Variants in CRIM1 observed in about 807,000 individuals in gnomAD.
CRIM1 encodes the protein cysteine rich transmembrane BMP regulator 1, also known as cysteine-rich motor neuron 1 protein.
CRIM1 carries 32 observed loss-of-function variants against 116.4 expected under a neutral mutation model. The observed-to-expected ratio is 0.27, with a 90% CI of 0.21 to 0.37. The LOEUF (loss-of-function observed/expected upper bound fraction) is 0.37, where lower values mean the gene tolerates loss of function less well. Among genes scored for constraint, CRIM1 ranks in the 10% least tolerant of loss-of-function variants. CRIM1 has a pLI of 1.00. For synonymous variants in CRIM1, 590 were observed against 509.2 expected, an observed-to-expected ratio of 1.16 and a Z score of -2.13; for missense variants, 1,331 against 1,354.8, an observed-to-expected ratio of 0.98 and a Z score of 0.28.
intron 2 of CRIM1, among the ~76,000 whole-genome samples, chr2:36,412,289 G>T (rs918627236): frequency 3.4e-5 from 5 of 148,138 alleles, no homozygotes; most frequent in African/African-American, 1.3e-4. Context: ...GGCGCAGGGG[G>T]TGGGGGGCGC....
At chr2:36,423,051 C>T (rs1255421189) in intron 2 of CRIM1, among the ~76,000 whole-genome samples, 1 of 152,190 alleles carries the variant, frequency 6.6e-6, no homozygotes, top group Admixed American at 6.5e-5. Flanking sequence ...AAAGGAATTA[C>T]TTCCATACTA....
chr2:36,389,116 A>ATACAAAGTGT (rs1277085813), intron 1 of CRIM1, among the ~76,000 whole-genome samples: 1 of 150,808 alleles, frequency 6.6e-6, no homozygotes, highest in Non-Finnish European at 1.5e-5. Flanking sequence ...ACTTTGTGGA[A>ATACAAAGTGT]ATGTCTGTAA....
intron 1 of CRIM1, among the ~76,000 whole-genome samples, chr2:36,389,828 G>C (rs1016298254): frequency 6.6e-6 from 1 of 152,100 alleles, no homozygotes; most frequent in South Asian, 2.1e-4. Flanking sequence ...ATATGTTGAA[G>C]AGCATAGAGG....
chr2:36,420,395 C>T (rs1673960107), intron 2 of CRIM1, among the ~76,000 whole-genome samples: 1 of 152,102 alleles, frequency 6.6e-6, no homozygotes, highest in Non-Finnish European at 1.5e-5. Context: ...AGAGGTAGAG[C>T]CGAGGTTGGA....
chr2:36,547,322 A>C, intron 16 of CRIM1, 151 bp downstream of exon 16: 1 of 645,854 alleles, frequency 1.5e-6, no homozygotes, highest in Non-Finnish European at 2.7e-6. Context: ...AGTATGAATC[A>C]AATACATAGT....
chr2:36,536,128 T>C (rs538312633), intron 13 of CRIM1, among the ~76,000 whole-genome samples: 12 of 152,294 alleles, frequency 7.9e-5, no homozygotes, highest in African/African-American at 2.4e-4. Context: ...TGGGTCTTCA[T>C]AGAGAGGCAC....
At chr2:36,381,039 A>C (rs1670714632) in intron 1 of CRIM1, among the ~76,000 whole-genome samples, 1 of 152,174 alleles carries the variant, frequency 6.6e-6, no homozygotes. Context: ...CCCAGAATAC[A>C]GAACACAGTG....
At position 36,539,770 on chromosome 2, in the gene CRIM1, C is replaced by T. The variant is rs532956876; in HGVS notation, c.2623+2224C>T. 6.6e-5 allele frequency among the ~76,000 whole-genome samples: 10 copies of T among 152,196 alleles called. No homozygotes were observed. The South Asian group carries it at 2.1e-3, about 32-fold the overall frequency. On this transcript the variant is annotated intron_variant, in intron 14 of 16. Coordinates refer to ENST00000280527, the MANE Select transcript of CRIM1 (RefSeq NM_016441.3). ...GAAGAGGAGCCAAGGATGACTACGA[C>T]ATTTTGGTTTGGGGCATTTTTAGCT...
At position 36,441,247 on chromosome 2, in the gene CRIM1, C is replaced by G; in HGVS notation, c.506-11C>G. On this transcript the variant is annotated splice_polypyrimidine_tract_variant and intron_variant, in intron 2 of 16. Coordinates refer to ENST00000280527, the MANE Select transcript of CRIM1 (RefSeq NM_016441.3). ...CCTGGGCATAAGCTAAATTCTTTCT[C>G]TCCCTTTTAGAAGAGAAGCCAGATT... 2 of 1,614,124 alleles carry G rather than the reference C, an allele frequency of 1.2e-6. No homozygotes were observed. Among genetic ancestry groups the G allele is most frequent in the Admixed American group, 1.7e-5 (1 of 60,030 alleles).
At chr2:36,464,288 T>A (rs1316814470) in intron 4 of CRIM1, among the ~76,000 whole-genome samples, 1 of 152,210 alleles carries the variant, frequency 6.6e-6, no homozygotes, top group Non-Finnish European at 1.5e-5. Flanking sequence ...ATTTTAGAAA[T>A]ATTTCTGTCA....
intron 9 of CRIM1, among the ~76,000 whole-genome samples, chr2:36,510,451 A>G (rs577889328): frequency 6.6e-6 from 1 of 152,312 alleles, no homozygotes; most frequent in Non-Finnish European, 1.5e-5. Flanking sequence ...GTGAGGTCCC[A>G]GTGTTGGAAG....
chr2:36,546,920 C>T (rs1667387324), intron 15 of CRIM1, 64 bp from the exon 16 acceptor site: 1 of 962,714 alleles, frequency 1.0e-6, no homozygotes, highest in Non-Finnish European at 1.6e-6. Context: ...TTTGCAATGT[C>T]ATTAAAATAA....
chr2:36,409,590 G>C (rs553872392), intron 2 of CRIM1, among the ~76,000 whole-genome samples: 166 of 152,302 alleles, frequency 1.1e-3, no homozygotes, highest in African/African-American at 3.8e-3. Context: ...TAGACACAAG[G>C]AGTTATAATG....
chr2:36,399,961 G>T (rs1481268542), intron 2 of CRIM1, among the ~76,000 whole-genome samples: 1 of 152,198 alleles, frequency 6.6e-6, no homozygotes, highest in Non-Finnish European at 1.5e-5. Context: ...GAGGTTAGTG[G>T]TTATGCCTTT....
chr2:36,476,802 A>C lies in CRIM1; in HGVS notation c.992-87A>C, dbSNP rs77757898. ...CATCAACTTATAACCTCCTATTAGA[A>C]ATTTTCTAGAGGCTGTTTGAAAAAC... On this transcript the variant is annotated intron_variant, in intron 5 of 16. Coordinates refer to ENST00000280527, the MANE Select transcript of CRIM1 (RefSeq NM_016441.3). The C allele has an allele frequency of 3.9e-3, 4,358 of 1,114,560 alleles. 127 individuals carry two copies. In the African/African-American group the frequency reaches 0.062, roughly 16 times the overall value. 69.0% of individuals were successfully genotyped at this position (1,114,560 alleles called of 1,614,324 possible). A position where few individuals can be genotyped will look rare whatever the true frequency, so the allele number is the denominator to read the frequency against.
At chr2:36,454,333 A>T (rs962395071) in intron 4 of CRIM1, among the ~76,000 whole-genome samples, 1 of 152,096 alleles carries the variant, frequency 6.6e-6, no homozygotes, top group Non-Finnish European at 1.5e-5. Flanking sequence ...TTTGATGGTC[A>T]TTTCACAAAC....
intron 7 of CRIM1, among the ~76,000 whole-genome samples, 168 bp downstream of exon 7, chr2:36,479,862 G>T (rs149443936): frequency 2.0e-5 from 3 of 152,238 alleles, no homozygotes; most frequent in Non-Finnish European, 4.4e-5. Context: ...TTTGAGGAAA[G>T]GTTGCACATG....
intron 2 of CRIM1, among the ~76,000 whole-genome samples, chr2:36,418,934 T>C (rs1231282061): frequency 6.6e-6 from 1 of 152,030 alleles, no homozygotes; most frequent in Admixed American, 6.6e-5. Context: ...ACCACTGGAG[T>C]TGTTTAAAAT....
intron 4 of CRIM1, among the ~76,000 whole-genome samples, chr2:36,449,584 G>A (rs1301755673): frequency 6.6e-6 from 1 of 152,146 alleles, no homozygotes; most frequent in Non-Finnish European, 1.5e-5. Context: ...CTCTCACATT[G>A]TCTGGCTCGG....
Sources: gnomAD v4.1 joint callset for allele counts (sites outside exome capture counted in the v4.1 genomes callset) on GRCh38, gnomAD v4.1.1 for gene constraint, MANE v1.5 for transcripts, NCBI Gene and HGNC (gene_info 2026-07-23, HGNC 2026-07-21) for gene names.